The following ZNF423 variants were observed in gnomAD, a reference collection of about 807,000 sequenced individuals.
ZNF423 encodes the protein zinc finger protein 423.
A neutral mutation model predicts 95.8 loss-of-function variants in ZNF423; 12 were observed. The observed-to-expected ratio is 0.13, with a 90% confidence interval of 0.08 to 0.20. The LOEUF (loss-of-function observed/expected upper bound fraction) is 0.20, where lower values mean the gene tolerates loss of function less well. ZNF423 is among the 10% of genes least tolerant of loss of function. ZNF423 has a pLI of 1.00. For missense variants in ZNF423, 1,316 were observed against 1,737.1 expected (o/e 0.76, Z 4.31); for synonymous variants, 749 against 711.9 (o/e 1.05, Z -0.83).
intron 4 of ZNF423, among the ~76,000 whole-genome samples, chr16:49,632,961 AC>A (rs2151876424): frequency 6.6e-6 from 1 of 152,186 alleles, no homozygotes; most frequent in African/African-American, 2.4e-5. Flanking sequence ...GGGCACAGTG[AC>A]CCAGCCCAGC....
At chr16:49,705,203 A>G (rs2032311092) in intron 3 of ZNF423, among the ~76,000 whole-genome samples, 1 of 152,190 alleles carries the variant, frequency 6.6e-6, no homozygotes, top group African/African-American at 2.4e-5. Context: ...TTCATTCAAC[A>G]GAGTCAAGGC....
intron 2 of ZNF423, among the ~76,000 whole-genome samples, chr16:49,750,515 C>A (rs575923567): frequency 1.4e-3 from 208 of 152,272 alleles, no homozygotes; most frequent in African/African-American, 4.9e-3. Context: ...GGGAGGAGGG[C>A]CAGAGCCCCC....
At chr16:49,777,645 A>G (rs2034142997) in intron 2 of ZNF423, among the ~76,000 whole-genome samples, 1 of 152,176 alleles carries the variant, frequency 6.6e-6, no homozygotes, top group African/African-American at 2.4e-5. Flanking sequence ...GTAAGTCTCC[A>G]CTGAGTCCCA....
intron 3 of ZNF423, among the ~76,000 whole-genome samples, chr16:49,716,038 G>T (rs1338237819): frequency 6.6e-6 from 1 of 152,022 alleles, no homozygotes; most frequent in Non-Finnish European, 1.5e-5. Flanking sequence ...AAGAGGCACA[G>T]GGCCAGGCAG....
At chr16:49,668,233 A>T (rs908546949) in intron 3 of ZNF423, among the ~76,000 whole-genome samples, 1 of 152,150 alleles carries the variant, frequency 6.6e-6, no homozygotes, top group Non-Finnish European at 1.5e-5. Context: ...AGGAGGTGGG[A>T]AAGAACCTGT....
At chr16:49,612,903 A>T (rs1240859811) in intron 5 of ZNF423, among the ~76,000 whole-genome samples, 1 of 152,208 alleles carries the variant, frequency 6.6e-6, no homozygotes. Context: ...CACTGAAATT[A>T]AAAATGCAAT....
At chr16:49,830,001 C>T (rs1352612482) in intron 1 of ZNF423, among the ~76,000 whole-genome samples, 3 of 152,128 alleles carry the variant, frequency 2.0e-5, no homozygotes, top group Non-Finnish European at 2.9e-5. Context: ...GGCCCCTGTC[C>T]GGGGACAGTC....
chr16:49,634,586 CCT>C (rs750867785), intron 4 of ZNF423, among the ~76,000 whole-genome samples: 3 of 152,314 alleles, frequency 2.0e-5, no homozygotes, highest in Non-Finnish European at 4.4e-5. Flanking sequence ...AGCAAACACC[CCT>C]GTGTCCCAGC....
chr16:49,531,837 G>A (rs539882010), intron 5 of ZNF423, among the ~76,000 whole-genome samples: 23 of 152,056 alleles, frequency 1.5e-4, no homozygotes, highest in Non-Finnish European at 5.9e-5. Flanking sequence ...GGCAGCCCAC[G>A]GGAACCCACT....
chr16:49,835,738 T>TG (rs915521122), intron 1 of ZNF423, among the ~76,000 whole-genome samples: 7 of 151,928 alleles, frequency 4.6e-5, no homozygotes, highest in South Asian at 2.1e-4. Flanking sequence ...TAGGAGGTGG[T>TG]GGGGGGGCAG....
chr16:49,612,307 A>G (rs1354748723), intron 5 of ZNF423, among the ~76,000 whole-genome samples: 3 of 152,080 alleles, frequency 2.0e-5, no homozygotes, highest in Middle Eastern at 3.4e-3. Flanking sequence ...AGATATATAT[A>G]TATCAAGGAT....
chr16:49,699,788 C>T (rs1323007162), intron 3 of ZNF423, among the ~76,000 whole-genome samples: 2 of 152,322 alleles, frequency 1.3e-5, no homozygotes, highest in East Asian at 3.9e-4. Flanking sequence ...CTGGTTCAGG[C>T]CTCCTTAGGA....
intron 2 of ZNF423, chr16:49,780,617 G>A (rs1340102515): frequency 6.6e-6 from 1 of 152,136 alleles, no homozygotes; most frequent in African/African-American, 2.4e-5. Context: ...GTGCTAGAGG[G>A]GGAGCAGCTC....
intron 3 of ZNF423, among the ~76,000 whole-genome samples, chr16:49,672,828 A>T (rs1264697110): frequency 6.6e-6 from 1 of 152,170 alleles, no homozygotes; most frequent in Non-Finnish European, 1.5e-5. Context: ...AAAAAAATTT[A>T]AAAATAAGTA....
chr16:49,815,149 T>C (rs1403585040), intron 1 of ZNF423, among the ~76,000 whole-genome samples: 1 of 152,168 alleles, frequency 6.6e-6, no homozygotes, highest in African/African-American at 2.4e-5. Context: ...GAGTTTCTTA[T>C]CAGTAAAATG....
chr16:49,853,563 C>T, intron 1 of ZNF423: 1 of 872,664 alleles, frequency 1.1e-6, no homozygotes, highest in Non-Finnish European at 1.4e-6. Flanking sequence ...TTTACAACAC[C>T]GAGTCTCGAA....
intron 5 of ZNF423, among the ~76,000 whole-genome samples, chr16:49,589,296 T>C (rs1319425091): frequency 6.6e-6 from 1 of 152,206 alleles, no homozygotes; most frequent in East Asian, 1.9e-4. Context: ...GTAGGAACTC[T>C]TGAGCCATCC....
intron 2 of ZNF423, among the ~76,000 whole-genome samples, chr16:49,736,922 T>A (rs968291505): frequency 6.6e-6 from 1 of 152,170 alleles, no homozygotes; most frequent in Non-Finnish European, 1.5e-5. Context: ...GCAAGACAGA[T>A]GGCCCCATGC....
At chr16:49,738,103 T>C (rs545472377) in intron 2 of ZNF423, among the ~76,000 whole-genome samples, 83 of 152,328 alleles carry the variant, frequency 5.4e-4, no homozygotes, top group South Asian at 1.2e-3. Context: ...TCACCCATTC[T>C]TTCCTTCATT....
Sources: allele counts gnomAD v4.1 joint callset (sites outside exome capture counted in the v4.1 genomes callset), GRCh38; gene constraint gnomAD v4.1.1; transcripts MANE v1.5; gene names NCBI Gene and HGNC (gene_info 2026-07-23, HGNC 2026-07-21).